PAFAH1B1: variants seen among roughly 807,000 people sequenced by gnomAD.
PAFAH1B1 encodes the protein platelet-activating factor acetylhydrolase IB subunit beta.
A neutral mutation model predicts 57.5 loss-of-function variants in PAFAH1B1; 2 were observed. That is an observed-to-expected ratio of 0.03 (90% CI 0.01 to 0.11). The LOEUF is 0.11. Ranked by LOEUF, PAFAH1B1 falls within the 10% of genes least tolerant of loss-of-function variation. The pLI is 1.00. For synonymous variants in PAFAH1B1, 152 were observed against 169.6 expected, an observed-to-expected ratio of 0.90 and a Z score of 0.81; for missense variants, 257 against 512.0, an observed-to-expected ratio of 0.50 and a Z score of 4.81.
At chr17:2,609,289 G>A (rs1368351304) in intron 1 of PAFAH1B1, among the ~76,000 whole-genome samples, 2 of 151,950 alleles carry the variant, frequency 1.3e-5, no homozygotes, top group African/African-American at 2.4e-5. Context: ...GGATTGCAGG[G>A]ATGAGCCACC....
chr17:2,676,238 TGTG>T (rs2069265509), intron 8 of PAFAH1B1: 2 of 390,180 alleles, frequency 5.1e-6, no homozygotes, highest in South Asian at 2.3e-5. Flanking sequence ...ATTAGCCACA[TGTG>T]GTGGTGCGTG....
At chr17:2,644,812 C>G (rs1467217310) in intron 2 of PAFAH1B1, among the ~76,000 whole-genome samples, 1 of 152,056 alleles carries the variant, frequency 6.6e-6, no homozygotes, top group Admixed American at 6.6e-5. Flanking sequence ...AGTCACACTA[C>G]CTTCATAATC....
intron 9 of PAFAH1B1, among the ~76,000 whole-genome samples, chr17:2,676,852 CTG>C (rs1480535146): frequency 6.6e-6 from 1 of 152,158 alleles, no homozygotes; most frequent in Admixed American, 6.5e-5. Context: ...TGCTAGCTCA[CTG>C]TATCTTTAAA....
chr17:2,594,088 C>G (rs986648867), intron 1 of PAFAH1B1, 82 bp downstream of exon 1: 111 of 396,702 alleles, frequency 2.8e-4, no homozygotes, highest in Admixed American at 1.0e-3. Flanking sequence ...GGCGGCCTGA[C>G]GATGTGGCTG....
chr17:2,672,867 A>C, intron 7 of PAFAH1B1, 110 bp downstream of exon 7: 2 of 730,472 alleles, frequency 2.7e-6, no homozygotes, highest in Admixed American at 2.0e-5. Context: ...CAGGAATTGA[A>C]GACCAGCCTG....
chr17:2,649,053 A>C (rs2068813072), intron 2 of PAFAH1B1, among the ~76,000 whole-genome samples: 1 of 151,936 alleles, frequency 6.6e-6, no homozygotes, highest in African/African-American at 2.4e-5. Context: ...ATTACAATTA[A>C]TGGTTTCAGG....
intron 1 of PAFAH1B1, among the ~76,000 whole-genome samples, chr17:2,608,764 A>G (rs1274396596): frequency 6.6e-6 from 1 of 152,248 alleles, no homozygotes; most frequent in African/African-American, 2.4e-5. Context: ...ATCTCTAAAA[A>G]TAAAAAATGA....
intron 1 of PAFAH1B1, chr17:2,635,390 G>C (rs896009768): frequency 6.6e-6 from 1 of 152,112 alleles, no homozygotes; most frequent in African/African-American, 2.4e-5. Flanking sequence ...AAGAGACAGA[G>C]TTTCTCTCTG....
chr17:2,645,448 C>G (rs908948150), intron 2 of PAFAH1B1, among the ~76,000 whole-genome samples: 1 of 151,590 alleles, frequency 6.6e-6, no homozygotes, highest in Admixed American at 6.6e-5. Flanking sequence ...CAAAAATTAG[C>G]TGGGCGTGAT....
chr17:2,628,445 C>T lies in PAFAH1B1; in HGVS notation c.-190-9654C>T, dbSNP rs1184212519. On this transcript the variant is annotated intron_variant, in intron 1 of 10. Transcript: ENST00000397195. ...CCTACTTGATCATGGTGGATCAACA[C>T]ATCTTTTTGATATGTTGTTGGATTT... 2.6e-5 allele frequency among the ~76,000 whole-genome samples: 4 copies of T among 152,096 alleles called. No homozygotes were observed. In the East Asian group the frequency reaches 7.7e-4, roughly 29 times the overall value.
Position 2,674,050 on chromosome 17 carries a change from A to G in PAFAH1B1, c.672-10A>G, listed in dbSNP as rs77153143. 6.3e-7 allele frequency: 1 copy of G among 1,582,752 alleles called. No homozygotes were observed. The highest frequency in any genetic ancestry group is 8.7e-7 in the Non-Finnish European group (1 of 1,152,022). ...TCATTCACAGTGTAAGTTATTATTT[A>G]TATTGACAGCTACTGTGTGAAGACA... On this transcript the variant is annotated splice_polypyrimidine_tract_variant and intron_variant, in intron 7 of 10. Coordinates refer to ENST00000397195, the MANE Select transcript of PAFAH1B1 (RefSeq NM_000430.4).
chr17:2,636,022 C>A lies in PAFAH1B1; in HGVS notation c.-190-2077C>A, dbSNP rs555272862. ...CCTGTATTCTTAGCTACTCAAGAGGCTGAGCCCAGCTTGGTTGAGGCTGCA... is the reference window on the plus strand; with the variant it reads ...CCTGTATTCTTAGCTACTCAAGAGGATGAGCCCAGCTTGGTTGAGGCTGCA... On this transcript the variant is annotated intron_variant, in intron 1 of 10. Transcript: ENST00000397195. 2.3e-4 allele frequency among the ~76,000 whole-genome samples: 35 copies of A among 151,626 alleles called. No homozygotes were observed. The South Asian group carries it at 6.3e-3, about 27-fold the overall frequency.
chr17:2,597,462 G>C (rs943246749), intron 1 of PAFAH1B1, among the ~76,000 whole-genome samples: 24 of 129,368 alleles, frequency 1.9e-4, no homozygotes, highest in East Asian at 4.8e-4. Flanking sequence ...CCAGGCTAGA[G>C]TGCAGTGGGG....
intron 1 of PAFAH1B1, among the ~76,000 whole-genome samples, chr17:2,620,509 G>A (rs1284723971): frequency 6.6e-6 from 1 of 152,092 alleles, no homozygotes; most frequent in East Asian, 1.9e-4. Context: ...TTGGATGCTG[G>A]TTGTCTGTGC....
rs1279381735 is a variant in PAFAH1B1 at position 2,652,229 on chromosome 17, T to G, written c.33-13143T>G. 6.0e-5 allele frequency among the ~76,000 whole-genome samples: 9 copies of G among 150,760 alleles called. No homozygotes were observed. In the South Asian group the frequency reaches 6.3e-4, roughly 11 times the overall value. ...ATCGAGACCATCCTGGCTAACACGG[T>G]GAAACCCCGTCTCTACTAAAAATAC... On this transcript the variant is annotated intron_variant, in intron 2 of 10. Coordinates refer to ENST00000397195, the MANE Select transcript of PAFAH1B1 (RefSeq NM_000430.4).
At chr17:2,632,719 T>G (rs756749282) in intron 1 of PAFAH1B1, among the ~76,000 whole-genome samples, 15 of 152,336 alleles carry the variant, frequency 9.8e-5, no homozygotes, top group Admixed American at 2.6e-4. Context: ...ACATAATATT[T>G]ACATTGTATT....
chr17:2,613,293 G>T, intron 1 of PAFAH1B1: 1 of 223,436 alleles, frequency 4.5e-6, no homozygotes, highest in African/African-American at 2.3e-5. Context: ...CACAGAGGCT[G>T]GGAAGGGTCT....
intron 2 of PAFAH1B1, among the ~76,000 whole-genome samples, chr17:2,657,105 A>G (rs2068946148): frequency 1.3e-5 from 2 of 152,126 alleles, no homozygotes; most frequent in South Asian, 2.1e-4. Flanking sequence ...CTTTGACACA[A>G]GTGTTTCTAG....
At chr17:2,618,625 A>T (rs1444019180) in intron 1 of PAFAH1B1, among the ~76,000 whole-genome samples, 2 of 151,944 alleles carry the variant, frequency 1.3e-5, no homozygotes, top group East Asian at 3.9e-4. Context: ...AGTGTTAATG[A>T]TGGAGTTTTA....
Sources: allele counts gnomAD v4.1 joint callset (sites outside exome capture counted in the v4.1 genomes callset), GRCh38; gene constraint gnomAD v4.1.1; transcripts MANE v1.5; gene names NCBI Gene and HGNC (gene_info 2026-07-23, HGNC 2026-07-21).